The following GAB4 variants were observed in gnomAD, a reference collection of about 807,000 sequenced individuals.
GAB4 encodes the protein GRB2 associated binding protein family member 4.
Under a neutral mutation model 51.3 loss-of-function variants are expected in GAB4, and 26 were observed. The observed-to-expected ratio is 0.51, with a 90% confidence interval of 0.37 to 0.70. The LOEUF is 0.70. Ranked by LOEUF, GAB4 falls within the 30% of genes least tolerant of loss-of-function variation. The pLI, the probability that GAB4 is intolerant of heterozygous loss-of-function variation, is 0.00. For missense variants in GAB4, 759 were observed against 734.6 expected (o/e 1.03, Z -0.38); for synonymous variants, 329 against 291.2 (o/e 1.13, Z -1.32).
chr22:16,986,923 A>G (rs571975510), intron 3 of GAB4, among the ~76,000 whole-genome samples: 1 of 152,352 alleles, frequency 6.6e-6, no homozygotes, highest in East Asian at 1.9e-4. Context: ...CCAGGGGTGC[A>G]GCAAAGTGTG....
chr22:16,974,612 CCT>C (rs1161072868), intron 3 of GAB4, among the ~76,000 whole-genome samples: 1 of 152,234 alleles, frequency 6.6e-6, no homozygotes, highest in Non-Finnish European at 1.5e-5. Context: ...AGAGCTCTCC[CCT>C]GACTTTTAAA....
rs565793419 is a variant in GAB4 at position 16,964,270 on chromosome 22, G to A, written c.1477-441C>T. On this transcript the variant is annotated intron_variant, in intron 8 of 9. Transcript: ENST00000400588. ...TCTGGCTCTGGTGAGAAAAGTGGCC[G>A]CCCTGGGCTCTGGGTTTTGGCTGCT... 7.2e-5 allele frequency among the ~76,000 whole-genome samples: 11 copies of A among 152,314 alleles called. No homozygotes were observed. In the South Asian group the frequency reaches 8.3e-4, roughly 11 times the overall value.
intron 1 of GAB4, among the ~76,000 whole-genome samples, chr22:16,999,527 CTCTTT>C (rs1207838796): frequency 6.6e-6 from 1 of 152,022 alleles, no homozygotes; most frequent in East Asian, 1.9e-4. Context: ...TGATTCTTCT[CTCTTT>C]TCTTCTTTAT....
chr22:17,003,851 CA>C (rs573635928), intron 1 of GAB4, among the ~76,000 whole-genome samples: 24 of 151,884 alleles, frequency 1.6e-4, no homozygotes, highest in African/African-American at 5.8e-4. Context: ...GATAGAGACA[CA>C]AAAAAACCCT....
At chr22:16,970,241 A>G in intron 3 of GAB4, 48 bp from the exon 4 acceptor site, 1 of 1,606,090 alleles carries the variant, frequency 6.2e-7, no homozygotes, top group Non-Finnish European at 8.5e-7. Context: ...GGAGGCCAGG[A>G]CTGCCCCAGG....
chr22:16,985,590 C>T (rs1601274224), intron 3 of GAB4, among the ~76,000 whole-genome samples: 1 of 152,220 alleles, frequency 6.6e-6, no homozygotes, highest in African/African-American at 2.4e-5. Context: ...CTTAAGAAAG[C>T]TTCCTTCCTA....
At chr22:17,007,913 CT>C (rs760715936) in intron 1 of GAB4, 27 bp downstream of exon 1, 28 of 1,494,758 alleles carry the variant, frequency 1.9e-5, no homozygotes, top group Middle Eastern at 2.0e-4. Flanking sequence ...CGTGGCGCTC[CT>C]GGTACCGCCC....
At chr22:16,984,089 C>CT (rs750034601) in intron 3 of GAB4, among the ~76,000 whole-genome samples, 23 of 152,216 alleles carry the variant, frequency 1.5e-4, no homozygotes, top group Non-Finnish European at 2.5e-4. Context: ...ATAAGGAACT[C>CT]TAACAACTCA....
At position 17,008,210 on chromosome 22, in the gene GAB4, C is replaced by CG. The variant is rs2061060818; in HGVS notation, c.-97dup. On this transcript the variant is annotated 5_prime_UTR_variant, in exon 1 of 10. Transcript: ENST00000400588. The stretch of plus-strand genomic sequence containing the variant: ...GACGGCTTGCGATACCCTGGGACTG[C>CG]GGGGTAGAAAGCGCAGTTCTAGGGG... 4.5e-6 allele frequency: 4 copies of CG among 884,522 alleles called. No homozygotes were observed. The highest frequency in any genetic ancestry group is 2.3e-5 in the Admixed American group (1 of 43,532). 54.8% of individuals were successfully genotyped at this position (884,522 alleles called of 1,614,324 possible).
intron 1 of GAB4, among the ~76,000 whole-genome samples, chr22:17,004,473 C>A (rs2061023689): frequency 6.6e-6 from 1 of 152,162 alleles, no homozygotes; most frequent in Non-Finnish European, 1.5e-5. Flanking sequence ...AAAAGCTTAT[C>A]AATCACGATC....
At chr22:16,999,946 C>T (rs1400530960) in intron 1 of GAB4, among the ~76,000 whole-genome samples, 4 of 152,048 alleles carry the variant, frequency 2.6e-5, no homozygotes, top group South Asian at 2.1e-4. Flanking sequence ...TATAGTTGAG[C>T]GGGTTTGAGT....
chr22:16,987,774 CACAAATAAA>C (rs1028471338), intron 3 of GAB4, among the ~76,000 whole-genome samples, 177 bp downstream of exon 3: 3 of 151,992 alleles, frequency 2.0e-5, no homozygotes, highest in Non-Finnish European at 4.4e-5. Context: ...TTTGTAGCAA[CACAAATAAA>C]ACAAATAAAA....
intron 7 of GAB4, 86 bp from the exon 8 acceptor site, chr22:16,964,948 T>G: frequency 9.8e-7 from 1 of 1,021,098 alleles, no homozygotes; most frequent in Non-Finnish European, 1.5e-6. Context: ...GGCCCTGACT[T>G]CAAGCATCCA....
intron 3 of GAB4, among the ~76,000 whole-genome samples, chr22:16,972,394 G>A (rs1437095649): frequency 6.6e-6 from 1 of 152,222 alleles, no homozygotes; most frequent in African/African-American, 2.4e-5. Flanking sequence ...GGGAAAAGCT[G>A]TTCCACTTGG....
At chr22:16,990,157 C>T (rs2060902379) in intron 2 of GAB4, among the ~76,000 whole-genome samples, 1 of 152,212 alleles carries the variant, frequency 6.6e-6, no homozygotes, top group Non-Finnish European at 1.5e-5. Context: ...TTCCACAGTG[C>T]GCTGCATCCT....
chr22:17,005,243 C>A (rs924350353), intron 1 of GAB4, among the ~76,000 whole-genome samples: 5 of 152,154 alleles, frequency 3.3e-5, no homozygotes, highest in African/African-American at 9.7e-5. Context: ...AGTGAACTCC[C>A]ATTCACAATT....
At chr22:16,997,773 T>C (rs2060961524) in intron 1 of GAB4, among the ~76,000 whole-genome samples, 1 of 152,206 alleles carries the variant, frequency 6.6e-6, no homozygotes. Context: ...GTTTTTATGG[T>C]TTTAGGTCTA....
chr22:16,982,473 T>G (rs1229446774), intron 3 of GAB4, among the ~76,000 whole-genome samples: 1 of 151,598 alleles, frequency 6.6e-6, no homozygotes, highest in Non-Finnish European at 1.5e-5. Flanking sequence ...AAGTAAAAGA[T>G]CTCAACAATG....
chr22:16,965,532 T>C (rs187774550), intron 6 of GAB4, among the ~76,000 whole-genome samples: 88 of 152,336 alleles, frequency 5.8e-4, no homozygotes, highest in African/African-American at 2.0e-3. Context: ...TGGGGACTCA[T>C]AGTCTGACAA....
Sources: gnomAD v4.1 joint callset for allele counts (sites outside exome capture counted in the v4.1 genomes callset) on GRCh38, gnomAD v4.1.1 for gene constraint, MANE v1.5 for transcripts, NCBI Gene and HGNC (gene_info 2026-07-23, HGNC 2026-07-21) for gene names.